DMD: variants seen among roughly 807,000 people sequenced by gnomAD.
The protein encoded by DMD is dystrophin.
A neutral mutation model predicts 330.1 loss-of-function variants in DMD; 63 were observed. The observed-to-expected ratio is 0.19, with a 90% CI of 0.16 to 0.24. DMD has a LOEUF of 0.24. DMD is among the 10% of genes least tolerant of loss of function. The pLI is 1.00. For synonymous variants in DMD, 1,223 were observed against 959.8 expected (o/e 1.27, Z -5.07); for missense variants, 3,344 against 2,684.1 (o/e 1.25, Z -5.43).
chrX:32,863,501 C>T (rs1306181878), intron 2 of DMD, among the ~76,000 whole-genome samples: 5 of 71,597 alleles, frequency 7.0e-5, no homozygotes, highest in Non-Finnish European at 1.1e-4. Flanking sequence ...CAGAGTGAGA[C>T]TCCGTCTCAA....
At chrX:31,419,652 G>A (rs1174389369) in intron 60 of DMD, among the ~76,000 whole-genome samples, 1 of 112,130 alleles carries the variant, frequency 8.9e-6, no homozygotes, top group Non-Finnish European at 1.9e-5. Context: ...TAGAACAGCA[G>A]TATAGGAAAA....
At chrX:33,236,331 CT>C (rs1362185844) in intron 1 of DMD, among the ~76,000 whole-genome samples, 5 of 106,354 alleles carry the variant, frequency 4.7e-5, no homozygotes, top group Non-Finnish European at 5.8e-5. Flanking sequence ...ATGGCGCGAT[CT>C]CGGCTCACTG....
At chrX:31,508,252 G>A in intron 55 of DMD, 11 of 1,206,218 alleles carry the variant, frequency 9.1e-6, no homozygotes, top group Non-Finnish European at 1.2e-5. Context: ...AGCTTGAACC[G>A]GGCACTACAG....
chrX:31,198,325 C>T (rs1368842085), intron 67 of DMD, among the ~76,000 whole-genome samples: 1 of 111,490 alleles, frequency 9.0e-6, no homozygotes, highest in Non-Finnish European at 1.9e-5. Flanking sequence ...CGCAAGTGAT[C>T]CTCCCACCTC....
At chrX:32,403,032 T>C (rs1334240176) in intron 30 of DMD, among the ~76,000 whole-genome samples, 5 of 111,839 alleles carry the variant, frequency 4.5e-5, no homozygotes, top group African/African-American at 1.6e-4. Flanking sequence ...TTGTTAGAAA[T>C]CTGCTGGGTG....
chrX:32,809,686 C>T, intron 6 of DMD, 75 bp from the exon 7 acceptor site: 1 of 899,909 alleles, frequency 1.1e-6, no homozygotes, highest in East Asian at 3.2e-5. Flanking sequence ...AGATTTACTT[C>T]CATGCTTAAT....
At chrX:33,026,202 G>A (rs2093994290) in intron 1 of DMD, among the ~76,000 whole-genome samples, 1 of 106,489 alleles carries the variant, frequency 9.4e-6, no homozygotes, top group African/African-American at 3.4e-5. Flanking sequence ...GGGCGTGGTG[G>A]CGGGCGCCTG....
intron 62 of DMD, among the ~76,000 whole-genome samples, chrX:31,310,716 ATTT>A (rs1230035132): frequency 2.4e-5 from 2 of 84,324 alleles, no homozygotes; most frequent in African/African-American, 4.5e-5. Flanking sequence ...CATGCCAAGG[ATTT>A]TTTTTTTTTT....
At chrX:33,101,939 G>A (rs985029069) in intron 1 of DMD, among the ~76,000 whole-genome samples, 4 of 111,563 alleles carry the variant, frequency 3.6e-5, no homozygotes, top group Non-Finnish European at 3.8e-5. Context: ...CATCCTCTTG[G>A]TATTCAAATT....
At chrX:33,076,254 T>A (rs1458432538) in intron 1 of DMD, among the ~76,000 whole-genome samples, 1 of 111,529 alleles carries the variant, frequency 9.0e-6, no homozygotes, top group African/African-American at 3.3e-5. Flanking sequence ...TTAAAAACCC[T>A]GGTCCCCAAA....
chrX:31,584,971 A>C (rs1013354718), intron 55 of DMD, among the ~76,000 whole-genome samples: 4 of 109,339 alleles, frequency 3.7e-5, no homozygotes, highest in Non-Finnish European at 7.7e-5. Flanking sequence ...TAGCCAGAAT[A>C]AGTTTTTTTT....
At chrX:33,042,036 T>C (rs777298422) in intron 1 of DMD, among the ~76,000 whole-genome samples, 6 of 111,609 alleles carry the variant, frequency 5.4e-5, no homozygotes, top group Non-Finnish European at 1.1e-4. Flanking sequence ...TGTCTCTGAC[T>C]ACAAAGTCTT....
intron 1 of DMD, among the ~76,000 whole-genome samples, chrX:33,116,333 A>C (rs1387343170): frequency 9.1e-6 from 1 of 110,497 alleles, no homozygotes; most frequent in Non-Finnish European, 1.9e-5. Flanking sequence ...TGATAAGGCA[A>C]AACCCCATCT....
chrX:31,408,838 G>A (rs2061516282), intron 60 of DMD, among the ~76,000 whole-genome samples: 1 of 111,839 alleles, frequency 8.9e-6, no homozygotes, highest in Non-Finnish European at 1.9e-5. Context: ...ACAACGTGCA[G>A]GTTTGTTACA....
chrX:33,294,035 A>G (rs1192530965), intron 1 of DMD, among the ~76,000 whole-genome samples: 2 of 111,332 alleles, frequency 1.8e-5, no homozygotes, highest in African/African-American at 3.3e-5. Flanking sequence ...ATAAGTAAAA[A>G]GAAGAAGAGA....
At chrX:31,633,275 T>C (rs1218803551) in intron 54 of DMD, among the ~76,000 whole-genome samples, 1 of 111,940 alleles carries the variant, frequency 8.9e-6, no homozygotes, top group African/African-American at 3.2e-5. Flanking sequence ...TCATAAGATA[T>C]TTTCCATTTT....
chrX:31,366,499 T>TAAAAA (rs1198673918), intron 60 of DMD, among the ~76,000 whole-genome samples: 1 of 36,500 alleles, frequency 2.7e-5, no homozygotes, highest in African/African-American at 1.1e-4. Context: ...AAAAAAAACA[T>TAAAAA]AAAAAAAAAA....
intron 61 of DMD, among the ~76,000 whole-genome samples, chrX:31,339,812 T>C (rs2057624525): frequency 8.9e-6 from 1 of 112,161 alleles, no homozygotes; most frequent in Non-Finnish European, 1.9e-5. Context: ...TGACCTCAGG[T>C]GATCTGCCCG....
At chrX:32,811,678 A>G (rs899802411) in intron 6 of DMD, among the ~76,000 whole-genome samples, 3 of 112,068 alleles carry the variant, frequency 2.7e-5, no homozygotes, top group Non-Finnish European at 3.8e-5. Flanking sequence ...TTCTTGTCTT[A>G]TAAGGATTTT....
Sources: gnomAD v4.1 joint callset for allele counts (sites outside exome capture counted in the v4.1 genomes callset) on GRCh38, gnomAD v4.1.1 for gene constraint, MANE v1.5 for transcripts, NCBI Gene and HGNC (gene_info 2026-07-23, HGNC 2026-07-21) for gene names.